Variants in SNTB1 observed in about 807,000 individuals in gnomAD.
The protein encoded by SNTB1 is syntrophin beta 1.
SNTB1 carries 36 observed loss-of-function variants against 48.9 expected under a neutral mutation model. The ratio of observed to expected loss-of-function variants is 0.74; its 90% CI spans 0.56 to 0.97. The LOEUF (loss-of-function observed/expected upper bound fraction) is 0.97. SNTB1 is among the 50% of genes least tolerant of loss of function. The pLI, the probability that SNTB1 is intolerant of heterozygous loss-of-function variation, is 0.00. For missense variants in SNTB1, 786 were observed against 703.4 expected, an observed-to-expected ratio of 1.12 and a Z score of -1.33; for synonymous variants, 299 against 294.6, an observed-to-expected ratio of 1.01 and a Z score of -0.15.
intron 1 of SNTB1, among the ~76,000 whole-genome samples, chr8:120,758,366 A>G (rs1021673405): frequency 1.3e-5 from 2 of 152,258 alleles, no homozygotes; most frequent in East Asian, 3.9e-4. Context: ...GACATATTCA[A>G]TAAGGGCCTG....
intron 4 of SNTB1, among the ~76,000 whole-genome samples, chr8:120,565,726 G>A (rs994157072): frequency 2.6e-5 from 4 of 152,174 alleles, no homozygotes; most frequent in South Asian, 2.1e-4. Flanking sequence ...GAAGAACCAC[G>A]GGGTAAGAAG....
chr8:120,569,810 G>A (rs1397520093), intron 4 of SNTB1, among the ~76,000 whole-genome samples: 2 of 152,208 alleles, frequency 1.3e-5, no homozygotes, highest in African/African-American at 4.8e-5. Context: ...GTGAGGATCT[G>A]AATTGTTAAT....
intron 1 of SNTB1, among the ~76,000 whole-genome samples, chr8:120,696,405 G>A (rs1818211220): frequency 6.6e-6 from 1 of 152,100 alleles, no homozygotes; most frequent in Non-Finnish European, 1.5e-5. Flanking sequence ...AGGTAAGTCA[G>A]GTCTCAATTT....
At position 120,780,795 on chromosome 8, in the gene SNTB1, T is replaced by G. The variant is rs180924158; in HGVS notation, c.571+30478A>C. Reference sequence around the variant, plus strand: ...TAAAGCACCATACCTGTTAACTATCTCTTAATAAGTGGTACTTCTTAAAGA... The same window carrying G: ...TAAAGCACCATACCTGTTAACTATCGCTTAATAAGTGGTACTTCTTAAAGA... On this transcript the variant is annotated intron_variant, in intron 1 of 6. Coordinates refer to ENST00000517992, the MANE Select transcript of SNTB1 (RefSeq NM_021021.4). Among the ~76,000 whole-genome samples, 46 of 152,350 alleles carry G rather than the reference T, an allele frequency of 3.0e-4. 1 individual carries two copies. The East Asian group carries it at 8.1e-3, about 27-fold the overall frequency.
chr8:120,554,722 G>A (rs182132586), intron 4 of SNTB1, among the ~76,000 whole-genome samples: 5 of 152,238 alleles, frequency 3.3e-5, no homozygotes, highest in Admixed American at 1.3e-4. Context: ...TATAGCTATG[G>A]AGTAGCCCTT....
At chr8:120,561,574 A>G (rs1815661841) in intron 4 of SNTB1, among the ~76,000 whole-genome samples, 1 of 152,032 alleles carries the variant, frequency 6.6e-6, no homozygotes, top group African/African-American at 2.4e-5. Flanking sequence ...AATTTTTTGA[A>G]TCTTTTAATT....
At chr8:120,656,806 T>A (rs572238396) in intron 2 of SNTB1, among the ~76,000 whole-genome samples, 4 of 152,208 alleles carry the variant, frequency 2.6e-5, no homozygotes, top group Admixed American at 6.5e-5. Flanking sequence ...CACGGAATAA[T>A]TTTTTAGCAT....
chr8:120,658,049 T>A (rs936217451), intron 2 of SNTB1, among the ~76,000 whole-genome samples: 1 of 152,242 alleles, frequency 6.6e-6, no homozygotes, highest in Non-Finnish European at 1.5e-5. Flanking sequence ...ACTTCACCAT[T>A]ACCAAAATAT....
intron 3 of SNTB1, among the ~76,000 whole-genome samples, chr8:120,620,977 C>G (rs947048979): frequency 6.7e-6 from 1 of 149,922 alleles, no homozygotes; most frequent in Admixed American, 6.7e-5. Flanking sequence ...TCTTTCTCTC[C>G]CTCTCCCTCT....
intron 1 of SNTB1, among the ~76,000 whole-genome samples, chr8:120,722,284 T>C (rs1818674332): frequency 6.6e-6 from 1 of 152,212 alleles, no homozygotes; most frequent in Admixed American, 6.5e-5. Context: ...CTGGGTCAAA[T>C]GATATTTCTA....
At position 120,599,513 on chromosome 8, in the gene SNTB1, C is replaced by T. The variant is rs1029442583; in HGVS notation, c.997-24288G>A. On this transcript the variant is annotated intron_variant, in intron 3 of 6. Transcript: ENST00000517992. ...AAAATAAATCTGAAGAATTAAATAT[C>T]GTTTTGACAATGATAAATGCTTAAA... 5.3e-5 allele frequency among the ~76,000 whole-genome samples: 8 copies of T among 152,212 alleles called. No homozygotes were observed. The East Asian group carries it at 7.7e-4, about 15-fold the overall frequency.
intron 1 of SNTB1, among the ~76,000 whole-genome samples, chr8:120,734,519 A>G (rs1818910111): frequency 6.6e-6 from 1 of 152,058 alleles, no homozygotes; most frequent in Admixed American, 6.5e-5. Flanking sequence ...GCTATGCGCC[A>G]GGCTTTATGC....
chr8:120,697,658 G>A (rs972816138), intron 1 of SNTB1, among the ~76,000 whole-genome samples: 1 of 152,148 alleles, frequency 6.6e-6, no homozygotes, highest in Admixed American at 6.5e-5. Context: ...AATGCAATGA[G>A]CAGGCATAAA....
Position 120,537,418 on chromosome 8 carries a change from T to TG in SNTB1, c.*1458dup, listed in dbSNP as rs936137210. The TG allele has an allele frequency of 6.6e-6, 1 of 152,216 alleles. No homozygotes were observed. The highest frequency in any genetic ancestry group is 2.4e-5 in the African/African-American group (1 of 41,458). The allele number at this position is 152,216 out of a possible 1,614,324, so 9.4% of individuals were successfully genotyped here. ...AACTAGCGTCATATGATATATTCTT[T>TG]GGGGAAATGCTGATTTAAAATAAAA... On this transcript the variant is annotated 3_prime_UTR_variant, in exon 7 of 7. Coordinates refer to ENST00000517992, the MANE Select transcript of SNTB1 (RefSeq NM_021021.4).
intron 1 of SNTB1, among the ~76,000 whole-genome samples, chr8:120,801,340 A>G (rs1390564300): frequency 1.3e-5 from 2 of 152,030 alleles, no homozygotes; most frequent in Non-Finnish European, 2.9e-5. Context: ...TCAATTTCAG[A>G]TATCCGTAAT....
At chr8:120,811,247 C>T in intron 1 of SNTB1, 26 bp downstream of exon 1, 1 of 1,553,240 alleles carries the variant, frequency 6.4e-7, no homozygotes, top group Non-Finnish European at 8.6e-7. Context: ...GCGCCCGGCG[C>T]GGCCCGCGCG....
intron 2 of SNTB1, among the ~76,000 whole-genome samples, chr8:120,641,249 A>T (rs919976333): frequency 6.6e-6 from 1 of 152,172 alleles, no homozygotes; most frequent in Non-Finnish European, 1.5e-5. Context: ...CATTAATGAG[A>T]TCTCAGCTTG....
At chr8:120,680,731 G>C (rs190190789) in intron 2 of SNTB1, among the ~76,000 whole-genome samples, 214 of 152,240 alleles carry the variant, frequency 1.4e-3, no homozygotes, top group African/African-American at 4.9e-3. Context: ...TCCTTGGGCA[G>C]CTTTTTGCAA....
intron 2 of SNTB1, among the ~76,000 whole-genome samples, chr8:120,659,409 G>A (rs890569355): frequency 6.6e-6 from 1 of 152,048 alleles, no homozygotes; most frequent in African/African-American, 2.4e-5. Context: ...TTTATCATGG[G>A]ATTGCAAAAA....
Sources: allele counts gnomAD v4.1 joint callset (sites outside exome capture counted in the v4.1 genomes callset), GRCh38; gene constraint gnomAD v4.1.1; transcripts MANE v1.5; gene names NCBI Gene and HGNC (gene_info 2026-07-23, HGNC 2026-07-21).